The following MROH2A variants were observed in gnomAD, a reference collection of about 807,000 sequenced individuals.
The protein encoded by MROH2A is maestro heat like repeat family member 2A.
In MROH2A, 174 loss-of-function variants were observed where a neutral mutation model predicts 200.4. The ratio of observed to expected loss-of-function variants is 0.87; its 90% CI spans 0.77 to 0.98. The LOEUF (loss-of-function observed/expected upper bound fraction) is 0.98. MROH2A is among the 50% of genes least tolerant of loss of function. The pLI, the probability that MROH2A is intolerant of heterozygous loss-of-function variation, is 0.00. For missense variants in MROH2A, 2,045 were observed against 2,139.6 expected, an observed-to-expected ratio of 0.96 and a Z score of 0.87; for synonymous variants, 829 against 840.4, an observed-to-expected ratio of 0.99 and a Z score of 0.23.
At chr2:233,810,984 G>T (rs1703115379) in intron 23 of MROH2A, 68 bp downstream of exon 23, 13 of 1,520,434 alleles carry the variant, frequency 8.6e-6, no homozygotes, top group Non-Finnish European at 1.2e-5. Flanking sequence ...GCGGTGAGAG[G>T]TTTTCAAAGT....
At chr2:233,779,926 TACTG>T (rs895078788) in intron 3 of MROH2A, 74 bp downstream of exon 3, 8 of 1,229,062 alleles carry the variant, frequency 6.5e-6, no homozygotes, top group South Asian at 1.5e-5. Context: ...AGCACATAGT[TACTG>T]ACTATCAGAG....
chr2:233,827,815 T>G (rs1330613888), intron 35 of MROH2A, among the ~76,000 whole-genome samples: 3 of 152,206 alleles, frequency 2.0e-5, no homozygotes, highest in African/African-American at 7.2e-5. Context: ...ATAAATGATT[T>G]TTTTTTAATG....
intron 14 of MROH2A, among the ~76,000 whole-genome samples, chr2:233,800,618 C>T (rs902410145): frequency 2.5e-5 from 3 of 120,846 alleles, no homozygotes; most frequent in Non-Finnish European, 5.1e-5. Flanking sequence ...CTTTAAGGCC[C>T]GTGTGTGTGT....
Position 233,809,277 on chromosome 2 carries a change from A to C in MROH2A, c.2447A>C (p.Gln816Pro). 6.5e-7 allele frequency: 1 copy of C among 1,548,856 alleles called. No individual in the cohort carries two copies. Among genetic ancestry groups the C allele is most frequent in the Non-Finnish European group, 8.7e-7 (1 of 1,145,586 alleles). ...ATTCACCATTATGTCAGCAGCTGCCAGGTAGCCCCATCTGCTGCCTGGGGG... is the reference window on the plus strand; with the variant it reads ...ATTCACCATTATGTCAGCAGCTGCCCGGTAGCCCCATCTGCTGCCTGGGGG... Reference protein sequence around the residue: ...KIIHHYVSSCQDICLKMAFMK... With the variant: ...KIIHHYVSSCPDICLKMAFMK... Residue 816 changes from glutamine (Q) to proline (P), a missense_variant and splice_region_variant, in exon 22 of 42, where the codon CAG (glutamine) becomes CCG (proline). Gln to Pro is a moderately conservative substitution (Grantham distance 76). Around this residue, in one of 3 missense-constraint regions of MROH2A, gnomAD observed 1,201 missense variants for 1,311.3 expected, o/e 0.92. Coordinates refer to ENST00000389758, the MANE Select transcript of MROH2A (RefSeq NM_001394639.1).
Position 233,792,315 on chromosome 2 carries a change from C to CTT in MROH2A, c.572-467_572-466dup, listed in dbSNP as rs550589309. ...TCCTGTGTCACCTGCTTCTAGCTCA[C>CTT]TTTTTTTTTTTTTTTGAGATGGAGT... On this transcript the variant is annotated intron_variant, in intron 5 of 41. Transcript: ENST00000389758. Among the ~76,000 whole-genome samples, 203 of 141,228 alleles carry CTT rather than the reference C, an allele frequency of 1.4e-3. 1 individual carries two copies. The highest frequency in any genetic ancestry group is 2.8e-3 in the African/African-American group (107 of 37,812). 92.7% of individuals were successfully genotyped at this position (141,228 alleles called of 152,430 possible).
At chr2:233,798,694 G>T (rs1327947084) in intron 11 of MROH2A, 80 bp from the exon 12 acceptor site, 18 of 981,396 alleles carry the variant, frequency 1.8e-5, no homozygotes, top group African/African-American at 3.2e-5. Context: ...GAGACAGAAC[G>T]TGAGGCCCTG....
chr2:233,796,395 G>C, intron 11 of MROH2A, 82 bp downstream of exon 11: 1 of 918,554 alleles, frequency 1.1e-6, no homozygotes, highest in South Asian at 1.6e-5. Context: ...TTTCATTCAT[G>C]TTCGGGCATT....
chr2:233,790,056 C>T, intron 5 of MROH2A, 42 bp downstream of exon 5: 1 of 1,493,794 alleles, frequency 6.7e-7, no homozygotes, highest in Non-Finnish European at 9.0e-7. Flanking sequence ...GTGTGCCCTT[C>T]TGGTCTCTGC....
Position 233,789,492 on chromosome 2 carries a change from C to G in MROH2A, c.277-5C>G. On this transcript the variant is annotated splice_polypyrimidine_tract_variant and splice_region_variant and intron_variant, in intron 3 of 41. Transcript: ENST00000389758. The stretch of plus-strand genomic sequence containing the variant: ...TCCATTCCACCCACCATACTTGTTT[C>G]CCAGATTTCCACCCAGCGCAAGGTC... 1 of 1,411,044 alleles carries G rather than the reference C, an allele frequency of 7.1e-7. No individual in the cohort carries two copies. The allele number at this position is 1,411,044 out of a possible 1,614,324, so 87.4% of individuals were successfully genotyped here.
At position 233,804,110 on chromosome 2, in the gene MROH2A, G is replaced by C; in HGVS notation, c.1809G>C (p.Leu603Phe). 2.6e-6 allele frequency: 4 copies of C among 1,550,536 alleles called. No individual in the cohort carries two copies. Among genetic ancestry groups the C allele is most frequent in the Non-Finnish European group, 2.6e-6 (3 of 1,146,982 alleles). The change falls in exon 17 of 42, where the codon TTG becomes TTC. Residue 603 changes from leucine to phenylalanine, a missense_variant. Physicochemically the swap from Leu to Phe is conservative, Grantham distance 22. Transcript: ENST00000389758. ...GTGGGATAGCCATGCTCAACCTCTT[G>C]AGGACCCTGAGCCAGAGCATCGCAC... ...EGRGIAMLNL[L>F]RTLSQSIAPS...
chr2:233,824,533 A>G (rs1402555339), intron 35 of MROH2A, among the ~76,000 whole-genome samples: 7 of 152,246 alleles, frequency 4.6e-5, no homozygotes, highest in African/African-American at 1.7e-4. Flanking sequence ...TGAGTTTGGA[A>G]TTTTCAGCGG....
Position 233,821,557 on chromosome 2 carries a change from C to T in MROH2A, c.3513-567C>T, listed in dbSNP as rs531872593. Among the ~76,000 whole-genome samples, 136 of 152,310 alleles carry T rather than the reference C, an allele frequency of 8.9e-4. 1 individual carries two copies. Among genetic ancestry groups the T allele is most frequent in the South Asian group, 6.2e-3 (30 of 4,826 alleles). ...GCCTTTTAGAACCTCCCAGATGCCC[C>T]GCTCTCTGTGCCTCTGTACCTATCC... On this transcript the variant is annotated intron_variant, in intron 31 of 41. Coordinates refer to ENST00000389758, the MANE Select transcript of MROH2A (RefSeq NM_001394639.1).
At chr2:233,804,286 C>A in intron 17 of MROH2A, 94 bp downstream of exon 17, 1 of 1,494,256 alleles carries the variant, frequency 6.7e-7, no homozygotes, top group Non-Finnish European at 9.0e-7. Context: ...AGAGCTGAGG[C>A]TCACAGTTGA....
chr2:233,796,110 C>T (rs967467739), intron 10 of MROH2A, 65 bp downstream of exon 10: 23 of 1,519,870 alleles, frequency 1.5e-5, no homozygotes, highest in South Asian at 6.1e-5. Flanking sequence ...GTAGGAGTCC[C>T]GGCCCCTCTG....
chr2:233,814,779 G>A, intron 26 of MROH2A, 102 bp downstream of exon 26: 1 of 705,518 alleles, frequency 1.4e-6, no homozygotes, highest in Non-Finnish European at 2.3e-6. Flanking sequence ...ATGCAACATT[G>A]TTTTAGTGAT....
chr2:233,787,528 C>CATATATATTATATATACATATATATTAT (rs1559435142), intron 3 of MROH2A, among the ~76,000 whole-genome samples: 9 of 88,132 alleles, frequency 1.0e-4, no homozygotes, highest in African/African-American at 4.2e-4. Flanking sequence ...ATATATATTA[C>CATATATATTATATATACATATATATTAT]ATATATCATA....
chr2:233,811,839 A>G (rs1224801764), intron 23 of MROH2A, 41 bp from the exon 24 acceptor site: 11 of 1,385,160 alleles, frequency 7.9e-6, no homozygotes, highest in South Asian at 1.2e-5. Flanking sequence ...TGCCGCCATC[A>G]TGGTCACCAA....
rs761932721 is a variant in MROH2A at position 233,796,221 on chromosome 2, T to A, written c.1160T>A (p.Leu387Gln). ...GCAGCTCGCTCCTACCCCAAGGAGCTGATGAAGTTCTTCTTCAGCCAGATG... is the reference window on the plus strand; with the variant it reads ...GCAGCTCGCTCCTACCCCAAGGAGCAGATGAAGTTCTTCTTCAGCCAGATG... ...VALARSYPKELMKFFFSQMET... is the reference protein window; with the variant it reads ...VALARSYPKEQMKFFFSQMET... The change falls in exon 11 of 42, where the codon CTG (leucine) becomes CAG (glutamine). Residue 387 changes from leucine (L) to glutamine (Q), a missense_variant. Transcript: ENST00000389758. 1 of 1,550,318 alleles carries A rather than the reference T, an allele frequency of 6.5e-7. No homozygotes were observed.
intron 15 of MROH2A, among the ~76,000 whole-genome samples, chr2:233,803,144 C>T (rs1192255485): frequency 6.6e-6 from 1 of 152,190 alleles, no homozygotes; most frequent in East Asian, 1.9e-4. Flanking sequence ...ATGGGGTTCA[C>T]AGTAGGAGAC....
Sources: gnomAD v4.1 joint callset for allele counts (sites outside exome capture counted in the v4.1 genomes callset) on GRCh38, gnomAD v4.1.1 for gene constraint, gnomAD v4.1.1 regional missense constraint, MANE v1.5 for transcripts, NCBI Gene and HGNC (gene_info 2026-07-23, HGNC 2026-07-21) for gene names.